IPO11: variants seen among roughly 807,000 people sequenced by gnomAD.
The protein encoded by IPO11 is importin-11.
Under a neutral mutation model 143.2 loss-of-function variants are expected in IPO11, and 66 were observed. The observed-to-expected ratio is 0.46, with a 90% CI of 0.38 to 0.57. The LOEUF is 0.57. Among genes scored for constraint, IPO11 ranks in the 20% least tolerant of loss-of-function variants. IPO11 has a pLI of 0.00. For missense variants in IPO11, 1,026 were observed against 1,141.0 expected, an observed-to-expected ratio of 0.90 and a Z score of 1.45; for synonymous variants, 385 against 377.8, an observed-to-expected ratio of 1.02 and a Z score of -0.22.
At chr5:62,444,525 T>C (rs1744640942) in intron 3 of IPO11, among the ~76,000 whole-genome samples, 1 of 152,140 alleles carries the variant, frequency 6.6e-6, no homozygotes, top group Non-Finnish European at 1.5e-5. Flanking sequence ...CAATTGAATT[T>C]TACGTGTCTG....
chr5:62,432,068 A>G (rs138352538), intron 1 of IPO11, among the ~76,000 whole-genome samples: 79 of 152,234 alleles, frequency 5.2e-4, no homozygotes, highest in African/African-American at 1.9e-3. Flanking sequence ...AAAAACTGAA[A>G]TGGTTCCTTT....
intron 3 of IPO11, among the ~76,000 whole-genome samples, chr5:62,447,177 C>T (rs1228720573): frequency 6.6e-6 from 1 of 151,970 alleles, no homozygotes; most frequent in Admixed American, 6.6e-5. Context: ...GCAATCATAG[C>T]TCAGTGTAAC....
intron 15 of IPO11, among the ~76,000 whole-genome samples, chr5:62,490,537 A>G (rs1746568449): frequency 6.6e-6 from 1 of 152,182 alleles, no homozygotes; most frequent in Non-Finnish European, 1.5e-5. Context: ...AGCCTAATCA[A>G]AGTAACATCT....
chr5:62,557,175 G>A (rs1743603249), intron 26 of IPO11, among the ~76,000 whole-genome samples: 1 of 152,004 alleles, frequency 6.6e-6, no homozygotes, highest in African/African-American at 2.4e-5. Flanking sequence ...AACAACTCTG[G>A]GATGGTCATG....
At chr5:62,542,177 T>C (rs1249747120) in intron 24 of IPO11, among the ~76,000 whole-genome samples, 1 of 152,064 alleles carries the variant, frequency 6.6e-6, no homozygotes. Context: ...AGAAAAAGAA[T>C]GAAAAATTGA....
chr5:62,527,098 T>C (rs1024878158), intron 21 of IPO11, among the ~76,000 whole-genome samples: 2 of 152,378 alleles, frequency 1.3e-5, no homozygotes, highest in East Asian at 3.8e-4. Flanking sequence ...TGAATGACTT[T>C]AAAACTTTAC....
chr5:62,541,146 C>T (rs910292873), intron 24 of IPO11, among the ~76,000 whole-genome samples: 4 of 151,894 alleles, frequency 2.6e-5, no homozygotes, highest in Non-Finnish European at 4.4e-5. Context: ...CTGAGGTGGG[C>T]GGATCACCTG....
intron 24 of IPO11, among the ~76,000 whole-genome samples, chr5:62,538,745 G>A (rs1324120802): frequency 6.6e-6 from 1 of 152,270 alleles, no homozygotes; most frequent in Non-Finnish European, 1.5e-5. Context: ...CTAGATTTGC[G>A]TAAGCACAGT....
At chr5:62,464,588 C>T (rs768309424) in intron 5 of IPO11, among the ~76,000 whole-genome samples, 6 of 151,964 alleles carry the variant, frequency 3.9e-5, no homozygotes, top group African/African-American at 7.3e-5. Flanking sequence ...GGCATCCTCC[C>T]GCCATAGCTC....
At chr5:62,553,016 G>A (rs1743442211) in intron 26 of IPO11, among the ~76,000 whole-genome samples, 1 of 152,098 alleles carries the variant, frequency 6.6e-6, no homozygotes, top group African/African-American at 2.4e-5. Context: ...GTTAACTGTA[G>A]TTATCCTGCA....
intron 5 of IPO11, among the ~76,000 whole-genome samples, chr5:62,464,789 A>C (rs1013265359): frequency 5.3e-5 from 8 of 152,206 alleles, no homozygotes; most frequent in Non-Finnish European, 1.2e-4. Context: ...TACCTTTTAA[A>C]TGAGTTCAAG....
chr5:62,414,625 A>G (rs760358068), intron 1 of IPO11, among the ~76,000 whole-genome samples: 1 of 152,336 alleles, frequency 6.6e-6, no homozygotes, highest in East Asian at 1.9e-4. Context: ...AAGTTGCATC[A>G]GTGTTCTTTA....
At chr5:62,485,533 C>T (rs1024925945) in intron 12 of IPO11, 71 bp downstream of exon 12, 3 of 1,191,428 alleles carry the variant, frequency 2.5e-6, no homozygotes, top group Non-Finnish European at 3.7e-6. Flanking sequence ...TAGAGAATGA[C>T]ACTCTATTAA....
chr5:62,576,117 CT>C (rs1744305156), intron 27 of IPO11: 1 of 154,670 alleles, frequency 6.5e-6, no homozygotes, highest in East Asian at 1.9e-4. Context: ...TTGTTCTTTG[CT>C]TTGTGTGCGT....
At chr5:62,484,245 T>TAA in intron 11 of IPO11, 83 bp downstream of exon 11, 1 of 1,113,524 alleles carries the variant, frequency 9.0e-7, no homozygotes, top group Non-Finnish European at 1.2e-6. Flanking sequence ...TAATATTGTA[T>TAA]TTTCATACAG....
intron 26 of IPO11, among the ~76,000 whole-genome samples, chr5:62,556,947 T>C (rs1174442327): frequency 6.6e-6 from 1 of 152,210 alleles, no homozygotes; most frequent in Admixed American, 6.5e-5. Context: ...GTGATTATTT[T>C]ACAAAACTTC....
rs140562679 is a variant in IPO11, at chr5:62,544,338, A to G, written c.2251-6029A>G. Among the ~76,000 whole-genome samples, 692 of 152,278 alleles carry G rather than the reference A, an allele frequency of 4.5e-3. 5 individuals carry two copies. The highest frequency in any genetic ancestry group is 0.016 in the African/African-American group (649 of 41,548). On this transcript the variant is annotated intron_variant, in intron 24 of 29. Coordinates refer to ENST00000325324, the MANE Select transcript of IPO11 (RefSeq NM_016338.5). Reference sequence around the variant, plus strand: ...AAATGTAATCCAGCATATAAACAGAACCAAAGACAAAAACCACATGATTAT... The same window carrying G: ...AAATGTAATCCAGCATATAAACAGAGCCAAAGACAAAAACCACATGATTAT...
At chr5:62,503,999 T>C (rs573057762) in intron 16 of IPO11, among the ~76,000 whole-genome samples, 1 of 152,322 alleles carries the variant, frequency 6.6e-6, no homozygotes, top group East Asian at 1.9e-4. Flanking sequence ...ATGTGGAAAC[T>C]ATGAATATCT....
chr5:62,626,149 C>CCT (rs1746565853), intron 29 of IPO11, among the ~76,000 whole-genome samples: 2 of 152,172 alleles, frequency 1.3e-5, no homozygotes, highest in South Asian at 4.1e-4. Flanking sequence ...CCTGCCTCAG[C>CCT]CTCCCAAGTA....
Sources: allele counts gnomAD v4.1 joint callset (sites outside exome capture counted in the v4.1 genomes callset), GRCh38; gene constraint gnomAD v4.1.1; transcripts MANE v1.5; gene names NCBI Gene and HGNC (gene_info 2026-07-23, HGNC 2026-07-21).